NIPAL3: variants seen among roughly 807,000 people sequenced by gnomAD.
The protein encoded by NIPAL3 is NIPA like domain containing 3, also known as NIPA-like protein 3.
A neutral mutation model predicts 47.2 loss-of-function variants in NIPAL3; 41 were observed. The observed-to-expected ratio is 0.87, with a 90% CI of 0.68 to 1.13. The LOEUF is 1.13. NIPAL3 is among the 50% of genes most tolerant of loss of function. The pLI, the probability that NIPAL3 is intolerant of heterozygous loss-of-function variation, is 0.00. For synonymous variants in NIPAL3, 194 were observed against 209.6 expected, an observed-to-expected ratio of 0.93 and a Z score of 0.64; for missense variants, 449 against 530.1, an observed-to-expected ratio of 0.85 and a Z score of 1.50.
At chr1:24,453,643 G>A (rs1646049009) in intron 7 of NIPAL3, 139 bp downstream of exon 7, 10 of 695,282 alleles carry the variant, frequency 1.4e-5, no homozygotes, top group Non-Finnish European at 2.5e-5. Context: ...CTCCATCAGT[G>A]GCTCTGGGGA....
intron 5 of NIPAL3, among the ~76,000 whole-genome samples, chr1:24,447,818 A>C (rs529108592): frequency 3.0e-4 from 46 of 152,376 alleles, no homozygotes; most frequent in African/African-American, 1.0e-3. Flanking sequence ...TTGTAGGCAC[A>C]AGCCTTGATG....
intron 9 of NIPAL3, among the ~76,000 whole-genome samples, chr1:24,459,449 A>G (rs1170126341): frequency 3.3e-5 from 5 of 151,614 alleles, no homozygotes; most frequent in Non-Finnish European, 5.9e-5. Flanking sequence ...CCTCTATTTC[A>G]CCTCTAATTT....
At chr1:24,467,458 C>T (rs1271619800) in intron 11 of NIPAL3, among the ~76,000 whole-genome samples, 3 of 152,008 alleles carry the variant, frequency 2.0e-5, no homozygotes, top group African/African-American at 7.2e-5. Context: ...TCTGGGTGGA[C>T]AGAGTGAGAC....
chr1:24,424,327 G>A (rs925876081), intron 2 of NIPAL3, among the ~76,000 whole-genome samples: 34 of 152,170 alleles, frequency 2.2e-4, no homozygotes, highest in African/African-American at 8.0e-4. Flanking sequence ...TCTGTAGAAT[G>A]TTGGTTTTCA....
At position 24,449,551 on chromosome 1, in the gene NIPAL3, AC is replaced by A; in HGVS notation, c.468del (p.Asn157ThrfsTer6). 6.2e-7 allele frequency: 1 copy of A among 1,614,042 alleles called. No homozygotes were observed. Among genetic ancestry groups the A allele is most frequent in the Non-Finnish European group, 8.5e-7 (1 of 1,180,008 alleles). On this transcript the variant is annotated frameshift_variant, in exon 6 of 12. Coordinates refer to ENST00000374399, the MANE Select transcript of NIPAL3 (RefSeq NM_020448.5). LOFTEE classifies it high-confidence loss of function. The surrounding 1 kb of genome is among the most constrained non-coding windows in gnomAD (Gnocchi z 4.5). Reference sequence around the variant, plus strand: ...GTACCTACCTGCTGGTGACATTCGCACCCAACAGTCACGAGAAGATGACAGG... The same window carrying A: ...GTACCTACCTGCTGGTGACATTCGCACCAACAGTCACGAGAAGATGACAGG... The part of the protein sequence containing the change: ...VGTYLLVTFA[P>X]NSHEKMTGEN...
rs186583769 is a variant in NIPAL3, at chr1:24,470,250, C to T, written c.*1065C>T. 2 of 152,260 alleles carry T rather than the reference C, an allele frequency of 1.3e-5. No homozygotes were observed. The highest frequency in any genetic ancestry group is 6.5e-5 in the Admixed American group (1 of 15,294). The allele number at this position is 152,260 out of a possible 1,614,324, so 9.4% of individuals were successfully genotyped here. A position where few individuals can be genotyped will look rare whatever the true frequency, so the allele number is the denominator to read the frequency against. The stretch of plus-strand genomic sequence containing the variant: ...ACAGGGCTGTTGCTTTCTTCCTGGC[C>T]GCATATGTGACTGTCTTCCCCTAGA... On this transcript the variant is annotated 3_prime_UTR_variant, in exon 12 of 12. Transcript: ENST00000374399.
Position 24,442,129 on chromosome 1 carries a change from C to T in NIPAL3, c.237C>T (p.Gly79=). The change falls in exon 4 of 12, where the codon GGC becomes GGT. Residue 79 remains glycine (G), a synonymous_variant. Transcript: ENST00000374399. Reference sequence around the variant, plus strand: ...TCAAGACCAAGACATGGTGGCTGGGCCTGTTCCTGATGCTTCTGGGCGAGC... The same window carrying T: ...TCAAGACCAAGACATGGTGGCTGGGTCTGTTCCTGATGCTTCTGGGCGAGC... The part of the protein sequence containing the change: ...AYFKTKTWWL[G]LFLMLLGELG... The T allele has an allele frequency of 6.2e-7, 1 of 1,614,212 alleles. No homozygotes were observed. Among genetic ancestry groups the T allele is most frequent in the African/African-American group, 1.3e-5 (1 of 75,066 alleles).
intron 2 of NIPAL3, among the ~76,000 whole-genome samples, chr1:24,421,210 C>CA (rs1311300489): frequency 6.6e-6 from 1 of 151,808 alleles, no homozygotes. Context: ...ACAAAAAATA[C>CA]AAAAAATTAG....
chr1:24,450,452 C>G (rs61773986), intron 6 of NIPAL3, among the ~76,000 whole-genome samples: 2 of 152,150 alleles, frequency 1.3e-5, no homozygotes, highest in African/African-American at 4.8e-5. Flanking sequence ...CTAACCCCTC[C>G]GCCAGAGCTC....
At chr1:24,423,378 C>T (rs749663893) in intron 2 of NIPAL3, among the ~76,000 whole-genome samples, 3 of 152,192 alleles carry the variant, frequency 2.0e-5, no homozygotes, top group Non-Finnish European at 2.9e-5. Context: ...GAGGCACTCA[C>T]GCCTGTAATC....
At chr1:24,439,516 C>G (rs976916608) in intron 2 of NIPAL3, among the ~76,000 whole-genome samples, 3 of 152,012 alleles carry the variant, frequency 2.0e-5, no homozygotes, top group Admixed American at 6.5e-5. Context: ...AGTGACTTTT[C>G]TATTATGGTG....
chr1:24,421,343 C>T (rs936849421), intron 2 of NIPAL3, among the ~76,000 whole-genome samples: 6 of 151,556 alleles, frequency 4.0e-5, no homozygotes, highest in African/African-American at 1.5e-4. Context: ...GAGAGTGAGA[C>T]CCCACCTCAA....
intron 2 of NIPAL3, among the ~76,000 whole-genome samples, chr1:24,423,772 G>A (rs1039250786): frequency 3.3e-5 from 5 of 152,206 alleles, no homozygotes; most frequent in African/African-American, 1.2e-4. Flanking sequence ...GGCATGGCAA[G>A]ATGGCGAACA....
chr1:24,426,452 C>T (rs1284752279), intron 2 of NIPAL3, among the ~76,000 whole-genome samples: 1 of 152,020 alleles, frequency 6.6e-6, no homozygotes, highest in Non-Finnish European at 1.5e-5. Context: ...GTGCCACCAC[C>T]TCCAGCTAAT....
intron 7 of NIPAL3, among the ~76,000 whole-genome samples, chr1:24,455,488 G>T (rs1646151425): frequency 6.6e-6 from 1 of 152,196 alleles, no homozygotes; most frequent in Non-Finnish European, 1.5e-5. Flanking sequence ...ATGCACAGGG[G>T]TGTGCATTCC....
intron 3 of NIPAL3, among the ~76,000 whole-genome samples, chr1:24,441,002 C>T (rs922730524): frequency 1.3e-5 from 2 of 152,216 alleles, no homozygotes; most frequent in African/African-American, 4.8e-5. Context: ...CCTTCCCTTA[C>T]TCGTGCTCCC....
rs763679810 is a variant in NIPAL3 at position 24,449,460 on chromosome 1, G to A, written c.395-21G>A. On this transcript the variant is annotated intron_variant, in intron 5 of 11. Coordinates refer to ENST00000374399, the MANE Select transcript of NIPAL3 (RefSeq NM_020448.5). The surrounding 1 kb of genome is among the most constrained non-coding windows in gnomAD (Gnocchi z 4.5). ...GGGCCTGTTGTTGCAATGAGTCCGT[G>A]ACAGCCTCTCTTCCCCGCAGGGCGC... The A allele has an allele frequency of 5.6e-6, 9 of 1,612,194 alleles. No homozygotes were observed. The highest frequency in any genetic ancestry group is 7.6e-6 in the Non-Finnish European group (9 of 1,179,830).
intron 5 of NIPAL3, among the ~76,000 whole-genome samples, chr1:24,447,408 C>A (rs934636063): frequency 6.6e-6 from 1 of 151,990 alleles, no homozygotes; most frequent in African/African-American, 2.4e-5. Flanking sequence ...TAATATATGT[C>A]TGAAAAATTT....
chr1:24,455,741 C>G (rs1646167216), intron 7 of NIPAL3, among the ~76,000 whole-genome samples: 1 of 152,182 alleles, frequency 6.6e-6, no homozygotes, highest in Non-Finnish European at 1.5e-5. Flanking sequence ...AGCTGTTTAC[C>G]CAACACATGT....
Sources: allele counts gnomAD v4.1 joint callset (sites outside exome capture counted in the v4.1 genomes callset), GRCh38; gene constraint gnomAD v4.1.1; non-coding constraint Gnocchi (gnomAD v3.1); transcripts MANE v1.5; gene names NCBI Gene and HGNC (gene_info 2026-07-23, HGNC 2026-07-21).